Variants in KLHL4 observed in about 807,000 individuals in gnomAD.
KLHL4 encodes kelch like family member 4.
KLHL4 carries 17 observed loss-of-function variants against 45.8 expected under a neutral mutation model. The observed-to-expected ratio is 0.37, with a 90% confidence interval of 0.25 to 0.56. The LOEUF is 0.56. Ranked by LOEUF, KLHL4 falls within the 20% of genes least tolerant of loss-of-function variation. The probability of loss-of-function intolerance (pLI) is 0.79; values close to 1 mark genes in which losing one functional copy is unlikely to be tolerated. For missense variants in KLHL4, 544 were observed against 544.9 expected (o/e 1.00, Z 0.02); for synonymous variants, 224 against 189.9 (o/e 1.18, Z -1.47).
chrX:87,631,455 C>T (rs1220229925), intron 6 of KLHL4, among the ~76,000 whole-genome samples: 1 of 112,090 alleles, frequency 8.9e-6, no homozygotes, highest in Non-Finnish European at 1.9e-5. Flanking sequence ...TTTCTCTCTA[C>T]CTCTTGTATC....
At chrX:87,611,674 T>C (rs143727896) in intron 1 of KLHL4, among the ~76,000 whole-genome samples, 1,961 of 109,518 alleles carry the variant, frequency 0.018, 19 homozygotes, top group Non-Finnish European at 0.03. Context: ...TATACTATAC[T>C]ATACTATACT....
intron 6 of KLHL4, among the ~76,000 whole-genome samples, chrX:87,632,008 T>C (rs1294366199): frequency 8.9e-6 from 1 of 111,924 alleles, no homozygotes; most frequent in Non-Finnish European, 1.9e-5. Context: ...TTTTGACTCT[T>C]CTATTTGGGT....
Position 87,666,597 on chromosome X carries a change from G to A in KLHL4, c.*63G>A, listed in dbSNP as rs1924377126. 9.4e-7 allele frequency: 1 copy of A among 1,068,173 alleles called. No homozygotes were observed. Among genetic ancestry groups the A allele is most frequent in the Non-Finnish European group, 1.2e-6 (1 of 816,330 alleles). The allele number at this position is 1,068,173 out of a possible 1,213,427, so 88.0% of individuals were successfully genotyped here. On this transcript the variant is annotated 3_prime_UTR_variant, in exon 11 of 11. Coordinates refer to ENST00000373119, the MANE Select transcript of KLHL4 (RefSeq NM_019117.5). ...ATTTCAAGAAACTGAGTAGGACAAAGGGAGAAAGAAATACATGTTCTTTTT... is the reference window on the plus strand; with the variant it reads ...ATTTCAAGAAACTGAGTAGGACAAAAGGAGAAAGAAATACATGTTCTTTTT...
intron 9 of KLHL4, among the ~76,000 whole-genome samples, chrX:87,661,907 A>G (rs1188333034): frequency 9.0e-6 from 1 of 111,475 alleles, no homozygotes; most frequent in Non-Finnish European, 1.9e-5. Flanking sequence ...TTACATCTCT[A>G]AACATCAGTT....
At chrX:87,610,253 CAG>C (rs1761050228) in intron 1 of KLHL4, among the ~76,000 whole-genome samples, 2 of 112,051 alleles carry the variant, frequency 1.8e-5, no homozygotes, top group South Asian at 7.4e-4. Context: ...GCATGAGAAT[CAG>C]AGTTTGTTGT....
At chrX:87,622,712 CTCT>C (rs1922793468) in intron 5 of KLHL4, among the ~76,000 whole-genome samples, 1 of 46,849 alleles carries the variant, frequency 2.1e-5, no homozygotes, top group Non-Finnish European at 4.8e-5. Flanking sequence ...ACTAGGCTAA[CTCT>C]TTTTTTTTTT....
intron 9 of KLHL4, among the ~76,000 whole-genome samples, chrX:87,648,941 A>C (rs1923722550): frequency 8.9e-6 from 1 of 112,058 alleles, no homozygotes; most frequent in Admixed American, 9.5e-5. Context: ...ATTCAAATAT[A>C]TGTGACACTG....
intron 9 of KLHL4, among the ~76,000 whole-genome samples, chrX:87,652,621 A>T (rs1331921275): frequency 8.9e-6 from 1 of 111,886 alleles, no homozygotes; most frequent in Non-Finnish European, 1.9e-5. Context: ...TCCATCTGAG[A>T]CCACCTCAGC....
At chrX:87,621,415 CAG>C (rs951710705) in intron 4 of KLHL4, among the ~76,000 whole-genome samples, 24 of 107,866 alleles carry the variant, frequency 2.2e-4, no homozygotes, top group Middle Eastern at 5.0e-3. Context: ...AAATGAAACA[CAG>C]ATGTTTGAAA....
At position 87,668,395 on chromosome X, in the gene KLHL4, C is replaced by G. The variant is rs1309796613; in HGVS notation, c.*1861C>G. Reference sequence around the variant, plus strand: ...AAGAGGAAAGTGAAAGTTGAATACTCTCTTCTCAATGGCATAGCTGGACTT... The same window carrying G: ...AAGAGGAAAGTGAAAGTTGAATACTGTCTTCTCAATGGCATAGCTGGACTT... On this transcript the variant is annotated 3_prime_UTR_variant, in exon 11 of 11. Transcript: ENST00000373119. 1 of 749,485 alleles carries G rather than the reference C, an allele frequency of 1.3e-6. No homozygotes were observed. Among genetic ancestry groups the G allele is most frequent in the South Asian group, 6.8e-5 (1 of 14,618 alleles). 61.8% of individuals were successfully genotyped at this position (749,485 alleles called of 1,213,427 possible).
chrX:87,594,395 T>A (rs1921772422), intron 1 of KLHL4, among the ~76,000 whole-genome samples: 1 of 111,688 alleles, frequency 9.0e-6, no homozygotes, highest in African/African-American at 3.3e-5. Context: ...GGTTTCAAGG[T>A]ACCTGTGAAT....
intron 1 of KLHL4, among the ~76,000 whole-genome samples, chrX:87,578,216 G>T (rs1301864237): frequency 9.1e-6 from 1 of 110,052 alleles, no homozygotes; most frequent in African/African-American, 3.3e-5. Context: ...ATTGAATTTG[G>T]ATTGTATTTC....
chrX:87,647,554 A>T lies in KLHL4; in HGVS notation c.1925+11779A>T, dbSNP rs923288571. On this transcript the variant is annotated intron_variant, in intron 9 of 10. Coordinates refer to ENST00000373119, the MANE Select transcript of KLHL4 (RefSeq NM_019117.5). ...GATATATGGAATACTACTCAGACATAAAAAGGAATGAAATAATGGCATTCA... is the reference window on the plus strand; with the variant it reads ...GATATATGGAATACTACTCAGACATTAAAAGGAATGAAATAATGGCATTCA... Among the ~76,000 whole-genome samples the T allele has an allele frequency of 4.4e-5, 5 of 112,380 alleles. No homozygotes were observed. In the Admixed American group the frequency reaches 4.7e-4, roughly 11 times the overall value.
intron 1 of KLHL4, among the ~76,000 whole-genome samples, chrX:87,565,759 A>G (rs1387142519): frequency 1.1e-5 from 1 of 94,102 alleles, no homozygotes; most frequent in Non-Finnish European, 2.0e-5. Flanking sequence ...AGATACAAAA[A>G]TAATTATAAG....
intron 1 of KLHL4, among the ~76,000 whole-genome samples, chrX:87,559,058 G>A (rs758227076): frequency 4.3e-4 from 48 of 111,840 alleles, no homozygotes; most frequent in Non-Finnish European, 7.7e-4. Context: ...ATTTACAAGC[G>A]ATAAGGTCTC....
At chrX:87,567,974 T>G (rs1461657639) in intron 1 of KLHL4, among the ~76,000 whole-genome samples, 1 of 111,615 alleles carries the variant, frequency 9.0e-6, no homozygotes, top group African/African-American at 3.3e-5. Flanking sequence ...TTGAAATTAT[T>G]TTTTAAAAAT....
chrX:87,624,986 C>T (rs1210812144), intron 5 of KLHL4, among the ~76,000 whole-genome samples: 2 of 112,161 alleles, frequency 1.8e-5, no homozygotes, highest in Non-Finnish European at 3.8e-5. Context: ...ACACAACTAC[C>T]CCAAATCCGC....
At chrX:87,591,228 C>A (rs1921653080) in intron 1 of KLHL4, among the ~76,000 whole-genome samples, 2 of 111,591 alleles carry the variant, frequency 1.8e-5, no homozygotes, top group Non-Finnish European at 3.8e-5. Flanking sequence ...TGATTAGTTT[C>A]CCAACATTAG....
chrX:87,559,386 A>G (rs955644788), intron 1 of KLHL4, among the ~76,000 whole-genome samples: 1 of 111,526 alleles, frequency 9.0e-6, no homozygotes, highest in Non-Finnish European at 1.9e-5. Context: ...TGTTACGTTG[A>G]CAGCCTTAGT....
Sources: gnomAD v4.1 joint callset for allele counts (sites outside exome capture counted in the v4.1 genomes callset) on GRCh38, gnomAD v4.1.1 for gene constraint, MANE v1.5 for transcripts, NCBI Gene and HGNC (gene_info 2026-07-23, HGNC 2026-07-21) for gene names.